Variants in LRRC40 observed in about 807,000 individuals in gnomAD.
LRRC40 encodes leucine-rich repeat-containing protein 40.
In LRRC40, 76 loss-of-function variants were observed where a neutral mutation model predicts 72.8. The observed-to-expected ratio is 1.04, with a 90% CI of 0.87 to 1.26. The LOEUF is 1.26. Among genes scored for constraint, LRRC40 ranks in the 50% most tolerant of loss-of-function variants. LRRC40 has a pLI of 0.00. For synonymous variants in LRRC40, 243 were observed against 254.2 expected, an observed-to-expected ratio of 0.96 and a Z score of 0.42; for missense variants, 684 against 698.9, an observed-to-expected ratio of 0.98 and a Z score of 0.24.
At chr1:70,194,970 A>C (rs574663235) in intron 1 of LRRC40, among the ~76,000 whole-genome samples, 58 of 152,280 alleles carry the variant, frequency 3.8e-4, no homozygotes, top group African/African-American at 1.4e-3. Flanking sequence ...ATAAAAAAGG[A>C]ATCATGTTTT....
chr1:70,149,723 A>G (rs1667419168), intron 13 of LRRC40, among the ~76,000 whole-genome samples: 1 of 152,176 alleles, frequency 6.6e-6, no homozygotes, highest in Admixed American at 6.5e-5. Flanking sequence ...AGAAAGGACA[A>G]GTAATGGAGC....
At position 70,148,684 on chromosome 1, in the gene LRRC40, T is replaced by C. The variant is rs752190038; in HGVS notation, c.1518-12A>G. 5 of 1,544,782 alleles carry C rather than the reference T, an allele frequency of 3.2e-6. No individual in the cohort carries two copies. In the South Asian group the frequency reaches 4.6e-5, roughly 14 times the overall value. ...GTAGCATTTTAAACCTATTAATACA[T>C]GAACAGAACACCTAAATATACTGGA... On this transcript the variant is annotated splice_polypyrimidine_tract_variant and intron_variant, in intron 13 of 14. Transcript: ENST00000370952.
chr1:70,203,473 T>C (rs752235305), intron 1 of LRRC40, among the ~76,000 whole-genome samples: 51 of 152,042 alleles, frequency 3.4e-4, no homozygotes, highest in Non-Finnish European at 6.3e-4. Context: ...GGTGTGATCA[T>C]AAGGCACTAC....
Position 70,152,470 on chromosome 1 carries a change from A to C in LRRC40, c.1402T>G (p.Leu468Val). The C allele has an allele frequency of 6.2e-7, 1 of 1,604,432 alleles. No homozygotes were observed. The highest frequency in any genetic ancestry group is 8.5e-7 in the Non-Finnish European group (1 of 1,171,848). The change falls in exon 12 of 15, where the codon TTA becomes GTA. Residue 468 changes from leucine to valine, a missense_variant. By Grantham distance (32) the Leu-to-Val change is conservative (BLOSUM62 1). Coordinates refer to ENST00000370952, the MANE Select transcript of LRRC40 (RefSeq NM_017768.5). ...FNKLSFISLE[L>V]CVLQKLTFLD... ...AAAGTCAATTTCTGAAGCACACATA[A>C]CTCCAAGGATATAAAGGAAAGTTTA...
chr1:70,160,971 A>G (rs6681058), intron 9 of LRRC40, among the ~76,000 whole-genome samples: 5,356 of 152,220 alleles, frequency 0.035, 337 homozygotes, highest in African/African-American at 0.12. Context: ...CAACGAATAG[A>G]AGATCCTATA....
In LRRC40 at chr1:70,198,915, G is replaced by A. The variant is rs533284820; in HGVS notation, c.151+6475C>T. On this transcript the variant is annotated intron_variant, in intron 1 of 14. Coordinates refer to ENST00000370952, the MANE Select transcript of LRRC40 (RefSeq NM_017768.5). ...CCTGTAATCCCAGCACTTTGGGAGGGTGAGTTGGACAGGTCGCTTGAGCTC... is the reference window on the plus strand; with the variant it reads ...CCTGTAATCCCAGCACTTTGGGAGGATGAGTTGGACAGGTCGCTTGAGCTC... 1.2e-4 allele frequency among the ~76,000 whole-genome samples: 19 copies of A among 152,132 alleles called. No homozygotes were observed. The South Asian group carries it at 3.7e-3, about 30-fold the overall frequency.
intron 9 of LRRC40, among the ~76,000 whole-genome samples, chr1:70,173,207 T>A (rs1354601282): frequency 6.6e-6 from 1 of 152,080 alleles, no homozygotes; most frequent in Admixed American, 6.6e-5. Flanking sequence ...TTACTGAATC[T>A]TTTTTGTTAA....
At chr1:70,185,683 G>A (rs549018069) in intron 3 of LRRC40, among the ~76,000 whole-genome samples, 24 of 152,204 alleles carry the variant, frequency 1.6e-4, no homozygotes, top group African/African-American at 3.6e-4. Context: ...TTATATGTTC[G>A]GTTTTAAGGC....
In LRRC40 at chr1:70,167,397, T is replaced by C. The variant is rs184741744; in HGVS notation, c.1111+6068A>G. 4.3e-3 allele frequency among the ~76,000 whole-genome samples: 653 copies of C among 151,680 alleles called. 4 individuals carry two copies. Among genetic ancestry groups the C allele is most frequent in the African/African-American group, 0.015 (610 of 41,408 alleles). On this transcript the variant is annotated intron_variant, in intron 9 of 14. Coordinates refer to ENST00000370952, the MANE Select transcript of LRRC40 (RefSeq NM_017768.5). ...CAACATGGCAAAAACCCATCTATAC[T>C]AAAAATACAAAAAAAATTAGCTGGG...
chr1:70,173,082 G>A (rs550078978), intron 9 of LRRC40, among the ~76,000 whole-genome samples: 128 of 152,052 alleles, frequency 8.4e-4, no homozygotes, highest in African/African-American at 3.0e-3. Context: ...GTTTAGCAAA[G>A]CTGTGCACGA....
chr1:70,181,660 A>C lies in LRRC40; in HGVS notation c.538-451T>G, dbSNP rs114850443. On this transcript the variant is annotated intron_variant, in intron 4 of 14. Transcript: ENST00000370952. ...AAAATTCCTGAGAAAAGGAAAAATG[A>C]AGCTGAAAAAAACGGCCATTCAAAT... Among the ~76,000 whole-genome samples the C allele has an allele frequency of 2.0e-3, 303 of 152,124 alleles. 2 individuals are homozygous for C. Among genetic ancestry groups the C allele is most frequent in the African/African-American group, 6.8e-3 (282 of 41,570 alleles).
At position 70,184,785 on chromosome 1, in the gene LRRC40, TA is replaced by T. The variant is rs746171307; in HGVS notation, c.536del (p.Leu179Ter). 1.3e-6 allele frequency: 2 copies of T among 1,599,390 alleles called. No individual in the cohort carries two copies. The highest frequency in any genetic ancestry group is 1.7e-6 in the Non-Finnish European group (2 of 1,176,030). On this transcript the variant is annotated frameshift_variant and splice_region_variant, in exon 4 of 15. Coordinates refer to ENST00000370952, the MANE Select transcript of LRRC40 (RefSeq NM_017768.5). LOFTEE classifies it high-confidence loss of function. ...GFEQLSNLED[L>X]DLSNNHLTTV... Reference sequence around the variant, plus strand: ...CAAAAATTGGAAAATCAGAACTTACTAAATCTTCTAAATTGGAAAGTTGTTC... The same window carrying T: ...CAAAAATTGGAAAATCAGAACTTACTAATCTTCTAAATTGGAAAGTTGTTC...
chr1:70,194,333 TTACAA>T lies in LRRC40; in HGVS notation c.152-5065_152-5061del, dbSNP rs60042951. Among the ~76,000 whole-genome samples, 1,392 of 152,150 alleles carry T rather than the reference TTACAA, an allele frequency of 9.1e-3. 16 individuals carry two copies. The highest frequency in any genetic ancestry group is 0.029 in the African/African-American group (1,216 of 41,558). ...AAAAAATGTTTAAATGTTAAAAGAT[TTACAA>T]TACAAGACATCCGAAACCATGAAAT... On this transcript the variant is annotated intron_variant, in intron 1 of 14. Coordinates refer to ENST00000370952, the MANE Select transcript of LRRC40 (RefSeq NM_017768.5).
At chr1:70,160,192 AT>A (rs1437182599) in intron 9 of LRRC40, among the ~76,000 whole-genome samples, 1 of 152,254 alleles carries the variant, frequency 6.6e-6, no homozygotes, top group Non-Finnish European at 1.5e-5. Flanking sequence ...TGTGAAAACG[AT>A]GAAACAGTCC....
Position 70,178,911 on chromosome 1 carries a change from A to G in LRRC40, c.744T>C (p.Leu248=). 1.9e-6 allele frequency: 3 copies of G among 1,601,008 alleles called. No individual in the cohort carries two copies. The highest frequency in any genetic ancestry group is 2.2e-5 in the South Asian group (2 of 89,478). Residue 248 remains leucine, a synonymous_variant, in exon 6 of 15, where the codon CTT becomes CTC. Coordinates refer to ENST00000370952, the MANE Select transcript of LRRC40 (RefSeq NM_017768.5). Reference sequence around the variant, plus strand: ...AACGTAATTTATTCCTCCGCAAATAAAGCAATTCTAGTGATTCCATGCCAG... The same window carrying G: ...AACGTAATTTATTCCTCCGCAAATAGAGCAATTCTAGTGATTCCATGCCAG... ...ELAGMESLEL[L]YLRRNKLRFL...
chr1:70,191,486 TAACA>T (rs2100336394), intron 1 of LRRC40, among the ~76,000 whole-genome samples: 1 of 152,314 alleles, frequency 6.6e-6, no homozygotes, highest in African/African-American at 2.4e-5. Flanking sequence ...ATATTTTTAT[TAACA>T]AACTTGTCTT....
Position 70,189,077 on chromosome 1 carries a change from A to C in LRRC40, c.333+15T>G. ...TCTTCAATTAATAATCCATATTTAT[A>C]GTCAGTCAACTTACATCAAGAACAG... On this transcript the variant is annotated intron_variant, in intron 2 of 14. Transcript: ENST00000370952. The C allele has an allele frequency of 1.9e-6, 3 of 1,599,552 alleles. No individual in the cohort carries two copies. The highest frequency in any genetic ancestry group is 2.6e-6 in the Non-Finnish European group (3 of 1,173,110).
At position 70,157,434 on chromosome 1, in the gene LRRC40, T is replaced by C. The variant is rs554709689; in HGVS notation, c.1221-1638A>G. Reference sequence around the variant, plus strand: ...AGTCTTTAAGAAAAACAAATCCGAATAAATTTAGAATCAAAGTAATCTAAG... The same window carrying C: ...AGTCTTTAAGAAAAACAAATCCGAACAAATTTAGAATCAAAGTAATCTAAG... On this transcript the variant is annotated intron_variant, in intron 10 of 14. Coordinates refer to ENST00000370952, the MANE Select transcript of LRRC40 (RefSeq NM_017768.5). Among the ~76,000 whole-genome samples, 3 of 152,206 alleles carry C rather than the reference T, an allele frequency of 2.0e-5. No homozygotes were observed. The South Asian group carries it at 6.2e-4, about 31-fold the overall frequency.
intron 6 of LRRC40, 36 bp downstream of exon 6, chr1:70,178,815 G>T: frequency 7.4e-7 from 1 of 1,358,296 alleles, no homozygotes; most frequent in South Asian, 1.5e-5. Context: ...TTAACTTTTG[G>T]AAAATATAGT....
Sources: allele counts gnomAD v4.1 joint callset (sites outside exome capture counted in the v4.1 genomes callset), GRCh38; gene constraint gnomAD v4.1.1; transcripts MANE v1.5; gene names NCBI Gene and HGNC (gene_info 2026-07-23, HGNC 2026-07-21).